Variants in CCDC30 observed in about 807,000 individuals in gnomAD.
CCDC30 encodes the protein coiled-coil domain-containing protein 30.
CCDC30 carries 70 observed loss-of-function variants against 100.2 expected under a neutral mutation model. That is an observed-to-expected ratio of 0.70 (90% CI 0.58 to 0.85). The LOEUF is 0.85. CCDC30 is among the 40% of genes least tolerant of loss of function. The pLI is 0.00. For missense variants in CCDC30, 652 were observed against 771.2 expected (o/e 0.85, Z 1.83); for synonymous variants, 233 against 269.5 (o/e 0.86, Z 1.33).
intron 1 of CCDC30, among the ~76,000 whole-genome samples, chr1:42,477,821 G>A (rs1429616272): frequency 6.6e-6 from 1 of 152,162 alleles, no homozygotes; most frequent in Non-Finnish European, 1.5e-5. Flanking sequence ...AGACAGGATG[G>A]GTAGGGTGAC....
chr1:42,546,432 A>C (rs1322666245), intron 6 of CCDC30, among the ~76,000 whole-genome samples: 2 of 112,346 alleles, frequency 1.8e-5, no homozygotes, highest in African/African-American at 3.0e-5. Flanking sequence ...ATATATATAT[A>C]TATATATATA....
intron 15 of CCDC30, among the ~76,000 whole-genome samples, chr1:42,652,750 A>G (rs181996118): frequency 6.6e-6 from 1 of 152,338 alleles, no homozygotes; most frequent in Non-Finnish European, 1.5e-5. Context: ...GCTTGAAAAC[A>G]TGATAATATT....
At chr1:42,548,126 TG>T (rs1223675408) in intron 6 of CCDC30, among the ~76,000 whole-genome samples, 1 of 151,858 alleles carries the variant, frequency 6.6e-6, no homozygotes, top group Admixed American at 6.6e-5. Flanking sequence ...AGAGAGGAAA[TG>T]GGGAACAGGA....
chr1:42,569,611 C>G (rs1454494138), intron 7 of CCDC30, among the ~76,000 whole-genome samples: 2 of 152,144 alleles, frequency 1.3e-5, no homozygotes, highest in Non-Finnish European at 2.9e-5. Flanking sequence ...TTTGACCCAG[C>G]AATCCCATTA....
At chr1:42,504,541 A>T (rs960566651) in intron 6 of CCDC30, among the ~76,000 whole-genome samples, 1 of 152,244 alleles carries the variant, frequency 6.6e-6, no homozygotes, top group African/African-American at 2.4e-5. Flanking sequence ...GCTATCTGCC[A>T]TTCCAATGGG....
At chr1:42,584,547 G>T (rs2762690) in intron 9 of CCDC30, among the ~76,000 whole-genome samples, 91,309 of 151,872 alleles carry the variant, frequency 0.6, 27,924 homozygotes, top group East Asian at 0.81. Flanking sequence ...GAGCCAAGAT[G>T]GCGCCACTGC....
chr1:42,502,843 C>G (rs529673601), intron 6 of CCDC30, among the ~76,000 whole-genome samples: 2 of 152,224 alleles, frequency 1.3e-5, no homozygotes, highest in African/African-American at 4.8e-5. Context: ...TTTCAAAGTT[C>G]ATATTGTAGT....
chr1:42,562,810 T>G lies in CCDC30; in HGVS notation c.457-3486T>G, dbSNP rs569926424. 1.1e-3 allele frequency among the ~76,000 whole-genome samples: 166 copies of G among 152,222 alleles called. 3 individuals carry two copies. The South Asian group carries it at 0.033, about 30-fold the overall frequency. ...TGGGTGAAGGATATGAACAGACACT[T>G]CTCAAAAGAAGACATTTACGTGGCC... On this transcript the variant is annotated intron_variant, in intron 6 of 16. Transcript: ENST00000668663.
At chr1:42,616,925 A>T (rs962456530) in intron 11 of CCDC30, among the ~76,000 whole-genome samples, 2 of 152,250 alleles carry the variant, frequency 1.3e-5, no homozygotes, top group African/African-American at 4.8e-5. Flanking sequence ...TTAATAGGAC[A>T]TAATACAGCT....
chr1:42,502,222 G>C (rs1455524067), intron 6 of CCDC30, among the ~76,000 whole-genome samples: 2 of 152,162 alleles, frequency 1.3e-5, no homozygotes, highest in East Asian at 1.9e-4. Context: ...TGCTAGCAGT[G>C]AGCAAGGCTC....
chr1:42,554,415 C>T (rs1426327378), intron 6 of CCDC30, among the ~76,000 whole-genome samples: 3 of 151,788 alleles, frequency 2.0e-5, no homozygotes, highest in Admixed American at 2.0e-4. Flanking sequence ...GTAGCTGGGA[C>T]TATTGGTATG....
intron 10 of CCDC30, among the ~76,000 whole-genome samples, chr1:42,595,979 G>A (rs944569470): frequency 6.6e-6 from 1 of 152,170 alleles, no homozygotes; most frequent in African/African-American, 2.4e-5. Context: ...CATGTAAGAA[G>A]CTTGGAAGTT....
chr1:42,640,078 G>C (rs1449476263), intron 12 of CCDC30, among the ~76,000 whole-genome samples: 2 of 152,134 alleles, frequency 1.3e-5, no homozygotes, highest in Non-Finnish European at 2.9e-5. Context: ...TGATGTTAGA[G>C]CTTTTAATGC....
At position 42,589,304 on chromosome 1, in the gene CCDC30, AC is replaced by A. The variant is rs755957307; in HGVS notation, c.1002-16del. The A allele has an allele frequency of 1.3e-6, 2 of 1,569,568 alleles. No homozygotes were observed. The highest frequency in any genetic ancestry group is 8.6e-7 in the Non-Finnish European group (1 of 1,158,206). On this transcript the variant is annotated splice_polypyrimidine_tract_variant and intron_variant, in intron 9 of 16. Coordinates refer to ENST00000668663, the Ensembl canonical transcript of CCDC30. ...TGCAATTCATGGTGTGATTTAATCT[AC>A]ATTAATTGCCCTCAGGAAACTTCTA... is the stretch of plus-strand genomic sequence containing the variant.
intron 6 of CCDC30, among the ~76,000 whole-genome samples, chr1:42,551,742 G>GGTGTGTGTGT (rs34048456): frequency 0.028 from 4,118 of 144,522 alleles, 180 homozygotes; most frequent in African/African-American, 0.093. Context: ...GATAAATTCT[G>GGTGTGTGTGT]GTGTGTGTGT....
intron 6 of CCDC30, among the ~76,000 whole-genome samples, chr1:42,527,089 G>A (rs1000087683): frequency 6.6e-6 from 1 of 152,132 alleles, no homozygotes; most frequent in African/African-American, 2.4e-5. Context: ...TGACCAGGAA[G>A]GTAACCTGAA....
At chr1:42,621,746 T>C (rs965186041) in intron 11 of CCDC30, among the ~76,000 whole-genome samples, 2 of 151,804 alleles carry the variant, frequency 1.3e-5, no homozygotes, top group Admixed American at 6.6e-5. Context: ...CTCCTGACCT[T>C]GTGATCCGCC....
intron 11 of CCDC30, among the ~76,000 whole-genome samples, chr1:42,625,221 T>C (rs960478785): frequency 6.6e-6 from 1 of 152,144 alleles, no homozygotes; most frequent in Non-Finnish European, 1.5e-5. Context: ...GTGGTATTAG[T>C]TGTAATATCT....
At chr1:42,460,017 T>A, upstream of CCDC30, 1 of 1,463,056 alleles carries the variant, frequency 6.8e-7, no homozygotes, top group Non-Finnish European at 9.0e-7. Flanking sequence ...TATGGACAGA[T>A]AAAATGAAAG....
Sources: gnomAD v4.1 joint callset for allele counts (sites outside exome capture counted in the v4.1 genomes callset) on GRCh38, gnomAD v4.1.1 for gene constraint, MANE v1.5 for transcripts, NCBI Gene and HGNC (gene_info 2026-07-23, HGNC 2026-07-21) for gene names.